Variants in RIN3 observed in about 807,000 individuals in gnomAD.
RIN3 encodes the protein RAB5 interacting protein 3.
In RIN3, 54 loss-of-function variants were observed where a neutral mutation model predicts 76.3. The ratio of observed to expected loss-of-function variants is 0.71; its 90% CI spans 0.57 to 0.89. RIN3 has a LOEUF of 0.89. Ranked by LOEUF, RIN3 falls within the 40% of genes least tolerant of loss-of-function variation. The pLI is 0.00. For missense variants in RIN3, 1,256 were observed against 1,322.1 expected (o/e 0.95, Z 0.78); for synonymous variants, 576 against 564.0 (o/e 1.02, Z -0.30).
chr14:92,640,869 G>C (rs972808275), intron 4 of RIN3, among the ~76,000 whole-genome samples: 1 of 152,162 alleles, frequency 6.6e-6, no homozygotes, highest in African/African-American at 2.4e-5. Context: ...TGTGCTCACT[G>C]CACATCTCAG....
intron 4 of RIN3, among the ~76,000 whole-genome samples, chr14:92,629,227 A>T (rs148786534): frequency 3.9e-5 from 6 of 152,132 alleles, no homozygotes; most frequent in Non-Finnish European, 8.8e-5. Flanking sequence ...AGGAATCCCA[A>T]ACTTTGGACT....
intron 4 of RIN3, among the ~76,000 whole-genome samples, chr14:92,621,058 G>A (rs747256014): frequency 5.3e-5 from 8 of 152,024 alleles, no homozygotes; most frequent in Non-Finnish European, 1.2e-4. Flanking sequence ...GGAGACCAAG[G>A]CAGGTGGATC....
chr14:92,521,267 A>G (rs1442992180), intron 1 of RIN3, among the ~76,000 whole-genome samples: 1 of 151,986 alleles, frequency 6.6e-6, no homozygotes, highest in African/African-American at 2.4e-5. Context: ...CCATCCATCC[A>G]TCCACTCACC....
Position 92,685,173 on chromosome 14 carries a change from G to C in RIN3, c.2631+23G>C. The C allele has an allele frequency of 6.4e-7, 1 of 1,569,078 alleles. No individual in the cohort carries two copies. Among genetic ancestry groups the C allele is most frequent in the Non-Finnish European group, 8.7e-7 (1 of 1,152,462 alleles). ...CAGGTGAGGCCTGAGAGCGGGAGGG[G>C]CCCGGTGGGGCCATGTCCCAGACAC... On this transcript the variant is annotated intron_variant, in intron 9 of 9. Coordinates refer to ENST00000216487, the MANE Select transcript of RIN3 (RefSeq NM_024832.5). The surrounding 1 kb of genome is among the most constrained non-coding windows in gnomAD (Gnocchi z 4.7).
At chr14:92,596,218 T>C (rs1041919668) in intron 3 of RIN3, among the ~76,000 whole-genome samples, 3 of 152,226 alleles carry the variant, frequency 2.0e-5, no homozygotes, top group Non-Finnish European at 4.4e-5. Context: ...CCTACAAAAG[T>C]AGGATCCCCC....
chr14:92,551,791 A>C (rs1440559488), intron 1 of RIN3, among the ~76,000 whole-genome samples: 2 of 152,212 alleles, frequency 1.3e-5, no homozygotes, highest in Non-Finnish European at 1.5e-5. Flanking sequence ...CATTTTAAAA[A>C]TTGATTTGCT....
intron 2 of RIN3, among the ~76,000 whole-genome samples, chr14:92,569,386 T>C (rs572287277): frequency 1.3e-5 from 2 of 152,250 alleles, no homozygotes; most frequent in Admixed American, 6.5e-5. Flanking sequence ...CTTGGTTTCA[T>C]TTTTTGTTTC....
chr14:92,685,106 C>A lies in RIN3; in HGVS notation c.2587C>A (p.Arg863=), dbSNP rs778793960. The change falls in exon 9 of 10, where the codon CGG becomes AGG. Residue 863 remains arginine (R), a synonymous_variant. Transcript: ENST00000216487. The surrounding 1 kb of genome is among the most constrained non-coding windows in gnomAD (Gnocchi z 4.7). ...GGACTCCATCCACCGCTGGGAGCGC[C>A]GGCGTACTCTCAACAAGGCCCGGGC... ...VQDSIHRWER[R]RTLNKARASR... 3 of 1,613,560 alleles carry A rather than the reference C, an allele frequency of 1.9e-6. No homozygotes were observed. Among genetic ancestry groups the A allele is most frequent in the Non-Finnish European group, 2.5e-6 (3 of 1,179,848 alleles).
chr14:92,663,637 G>A (rs11160087), intron 7 of RIN3, among the ~76,000 whole-genome samples: 30,786 of 152,180 alleles, frequency 0.2, 3,471 homozygotes, highest in East Asian at 0.28. Flanking sequence ...TCTCTGAACC[G>A]GGCAGGCCAG....
chr14:92,664,109 A>G (rs1595495920), intron 7 of RIN3, among the ~76,000 whole-genome samples: 1 of 152,184 alleles, frequency 6.6e-6, no homozygotes, highest in African/African-American at 2.4e-5. Flanking sequence ...AAGGCACCCC[A>G]GGGGCCACCA....
chr14:92,598,132 G>A (rs1451606451), intron 3 of RIN3, among the ~76,000 whole-genome samples: 3 of 152,164 alleles, frequency 2.0e-5, no homozygotes, highest in Admixed American at 2.0e-4. Context: ...AGAACTGACA[G>A]CTTCTGCCTG....
intron 5 of RIN3, 70 bp from the exon 6 acceptor site, chr14:92,651,512 A>ACCCCCCCCC: frequency 2.8e-5 from 21 of 741,920 alleles, no homozygotes; most frequent in East Asian, 4.0e-5. Context: ...CCGCCCACAG[A>ACCCCCCCCC]CCCCGCCCAG....
Position 92,651,998 on chromosome 14 carries a change from G to GT in RIN3, c.950dup (p.Pro318AlafsTer106). ...CTGTCCTTTGCCCACCTCTCCCCCAGTGCCTGCCCCCCACGTCACACCCCA... is the reference window on the plus strand; with the variant it reads ...CTGTCCTTTGCCCACCTCTCCCCCAGTTGCCTGCCCCCCACGTCACACCCCA... On this transcript the variant is annotated frameshift_variant, in exon 6 of 10. Transcript: ENST00000216487. LOFTEE classifies it high-confidence loss of function. The GT allele has an allele frequency of 8.2e-7, 1 of 1,223,372 alleles. No homozygotes were observed. Among genetic ancestry groups the GT allele is most frequent in the Non-Finnish European group, 1.1e-6 (1 of 925,016 alleles). 75.8% of individuals were successfully genotyped at this position (1,223,372 alleles called of 1,614,324 possible). A position where few individuals can be genotyped will look rare whatever the true frequency, so the allele number is the denominator to read the frequency against.
chr14:92,688,250 T>G lies in RIN3; in HGVS notation c.2956T>G (p.Ter986GlyextTer52). 7 of 1,580,570 alleles carry G rather than the reference T, an allele frequency of 4.4e-6. No individual in the cohort carries two copies. The highest frequency in any genetic ancestry group is 5.1e-6 in the Non-Finnish European group (6 of 1,165,316). ...GGTGGTGCGGGAGCCCAACTTCCTG[T>G]GAGGCCCTCCCGGGGCGCCTCCCCT... ...CLVVREPNFL[*>G] is the part of the protein sequence containing the mutation. Residue 986 changes from the stop codon to glycine (G), a stop_lost, in exon 10 of 10, where the codon TGA becomes GGA. Coordinates refer to ENST00000216487, the MANE Select transcript of RIN3 (RefSeq NM_024832.5).
chr14:92,660,540 C>T (rs1443201000), intron 7 of RIN3, among the ~76,000 whole-genome samples: 1 of 152,200 alleles, frequency 6.6e-6, no homozygotes, highest in Non-Finnish European at 1.5e-5. Flanking sequence ...CATCCTCCAG[C>T]AGGTTAGCAC....
At chr14:92,687,896 C>T (rs1888924469) in intron 9 of RIN3, 30 bp from the exon 10 acceptor site, 54 of 1,510,422 alleles carry the variant, frequency 3.6e-5, no homozygotes, top group Non-Finnish European at 4.7e-5. Flanking sequence ...AGGGCCCCGC[C>T]GTGACCACAG....
In RIN3 at chr14:92,676,521, G is replaced by C. The variant is rs1224232814; in HGVS notation, c.2382G>C (p.Val794=). 6.2e-7 allele frequency: 1 copy of C among 1,614,148 alleles called. No homozygotes were observed. The highest frequency in any genetic ancestry group is 1.7e-5 in the Admixed American group (1 of 60,030). ...ADDFLPVLMY[V]LARSNLTEML... is the part of the protein sequence containing the mutation. ...ACTTCCTGCCTGTGCTCATGTATGTGCTGGCCCGCAGCAACCTCACGGAGA... is the reference window on the plus strand; with the variant it reads ...ACTTCCTGCCTGTGCTCATGTATGTCCTGGCCCGCAGCAACCTCACGGAGA... Residue 794 remains valine, a synonymous_variant, in exon 8 of 10, where the codon GTG becomes GTC. Coordinates refer to ENST00000216487, the MANE Select transcript of RIN3 (RefSeq NM_024832.5).
chr14:92,585,771 G>T (rs560144395), intron 3 of RIN3, among the ~76,000 whole-genome samples: 3 of 152,018 alleles, frequency 2.0e-5, no homozygotes, highest in East Asian at 3.9e-4. Context: ...GGTACACGCC[G>T]CTGTGCCTGG....
chr14:92,521,971 T>C (rs935826298), intron 1 of RIN3, among the ~76,000 whole-genome samples: 2 of 151,672 alleles, frequency 1.3e-5, no homozygotes, highest in East Asian at 1.9e-4. Context: ...GTATTGCAGA[T>C]AGGAGAAACG....
Sources: allele counts gnomAD v4.1 joint callset (sites outside exome capture counted in the v4.1 genomes callset), GRCh38; gene constraint gnomAD v4.1.1; non-coding constraint Gnocchi (gnomAD v3.1); transcripts MANE v1.5; gene names NCBI Gene and HGNC (gene_info 2026-07-23, HGNC 2026-07-21).